MKLN1: variants seen among roughly 807,000 people sequenced by gnomAD.
MKLN1 encodes the protein muskelin 1, also known as muskelin.
A neutral mutation model predicts 99.0 loss-of-function variants in MKLN1; 18 were observed. That is an observed-to-expected ratio of 0.18 (90% CI 0.13 to 0.27). The LOEUF (loss-of-function observed/expected upper bound fraction) is 0.27. MKLN1 is among the 10% of genes least tolerant of loss of function. MKLN1 has a pLI of 1.00. For missense variants in MKLN1, 621 were observed against 875.9 expected, an observed-to-expected ratio of 0.71 and a Z score of 3.67; for synonymous variants, 288 against 293.2, an observed-to-expected ratio of 0.98 and a Z score of 0.18.
intron 1 of MKLN1, among the ~76,000 whole-genome samples, chr7:131,122,909 G>A (rs998025481): frequency 1.3e-5 from 2 of 151,090 alleles, no homozygotes; most frequent in African/African-American, 2.4e-5. Flanking sequence ...TGTAGTCCCA[G>A]CTACTCGGGA....
intron 3 of MKLN1, among the ~76,000 whole-genome samples, chr7:131,265,343 C>A (rs950445415): frequency 4.6e-5 from 7 of 152,188 alleles, no homozygotes; most frequent in African/African-American, 1.4e-4. Flanking sequence ...CCATCCTGTT[C>A]TCTTTTCTTC....
intron 3 of MKLN1, among the ~76,000 whole-genome samples, chr7:131,314,986 GGCCGGACTCAAGCAATCCT>G (rs1236063871): frequency 6.6e-6 from 1 of 151,944 alleles, no homozygotes; most frequent in African/African-American, 2.4e-5. Context: ...ACATTGACCA[GGCCGGACTCAAGCAATCCT>G]CCCACTGTGG....
intron 1 of MKLN1, among the ~76,000 whole-genome samples, chr7:131,370,883 A>C (rs1346625075): frequency 6.6e-6 from 1 of 152,120 alleles, no homozygotes; most frequent in East Asian, 1.9e-4. Context: ...GGCCTCTGTA[A>C]CCTGGTGGGC....
At chr7:131,154,461 T>C (rs561578137) in intron 2 of MKLN1, among the ~76,000 whole-genome samples, 1 of 152,148 alleles carries the variant, frequency 6.6e-6, no homozygotes, top group Non-Finnish European at 1.5e-5. Context: ...GGAATATAGA[T>C]GTAACATGGA....
chr7:131,180,906 T>C lies in MKLN1; in HGVS notation c.-296-21951T>C, dbSNP rs531115046. On this transcript the variant is annotated intron_variant, in intron 2 of 7. Transcript: ENST00000416992. ...AATATTTATTAAAATATACAATACA[T>C]AAATGACTTTCTATGTACAAGAAAC... Among the ~76,000 whole-genome samples, 8 of 152,266 alleles carry C rather than the reference T, an allele frequency of 5.3e-5. 1 individual carries two copies. The highest frequency in any genetic ancestry group is 1.9e-4 in the African/African-American group (8 of 41,546).
chr7:131,266,371 A>G (rs1797809304), intron 3 of MKLN1, among the ~76,000 whole-genome samples: 1 of 152,084 alleles, frequency 6.6e-6, no homozygotes, highest in Admixed American at 6.6e-5. Context: ...AATAATTACT[A>G]TTTTGCAGCC....
At position 131,388,930 on chromosome 7, in the gene MKLN1, A is replaced by G. The variant is rs1268460620; in HGVS notation, c.358A>G (p.Lys120Glu). 1.2e-6 allele frequency: 2 copies of G among 1,610,310 alleles called. No individual in the cohort carries two copies. The highest frequency in any genetic ancestry group is 1.7e-6 in the Non-Finnish European group (2 of 1,177,952). ...YNKETFTLKHKIDEQMFPCRF... is the reference protein window; with the variant it reads ...YNKETFTLKHEIDEQMFPCRF... ...CAAAGAAACATTCACCTTGAAGCAT[A>G]AAATTGATGAACAGATGTTCCCTTG... Residue 120 changes from lysine to glutamate, a missense_variant, in exon 4 of 18, where the codon AAA becomes GAA. By Grantham distance (56) the Lys-to-Glu change is moderately conservative (BLOSUM62 1). Transcript: ENST00000352689.
At chr7:131,262,302 T>G (rs1797744090) in intron 3 of MKLN1, among the ~76,000 whole-genome samples, 1 of 151,742 alleles carries the variant, frequency 6.6e-6, no homozygotes. Context: ...CTGGTCGTGG[T>G]GGCGTGCGAC....
intron 3 of MKLN1, among the ~76,000 whole-genome samples, chr7:131,206,538 ATTATTATTATTATTG>A (rs1218202070): frequency 1.3e-5 from 2 of 148,492 alleles, no homozygotes; most frequent in African/African-American, 4.9e-5. Flanking sequence ...GTGTATAATT[ATTATTATTATTATTG>A]TTATTATTAT....
intron 3 of MKLN1, among the ~76,000 whole-genome samples, chr7:131,203,968 T>C (rs779328830): frequency 6.6e-6 from 1 of 152,176 alleles, no homozygotes; most frequent in Non-Finnish European, 1.5e-5. Flanking sequence ...GATTTAGACA[T>C]GAGAAAACTG....
intron 8 of MKLN1, among the ~76,000 whole-genome samples, chr7:131,421,354 C>G (rs933417807): frequency 3.3e-5 from 5 of 152,118 alleles, no homozygotes; most frequent in Non-Finnish European, 7.4e-5. Context: ...TGATCTTAAT[C>G]ACTTTCAAAG....
intron 3 of MKLN1, among the ~76,000 whole-genome samples, chr7:131,271,210 G>A (rs1157092195): frequency 6.6e-6 from 1 of 152,096 alleles, no homozygotes; most frequent in Non-Finnish European, 1.5e-5. Context: ...GCCTACCTAG[G>A]TCAGGGAAGG....
At chr7:131,143,421 G>A (rs1049450921) in intron 2 of MKLN1, among the ~76,000 whole-genome samples, 7 of 151,962 alleles carry the variant, frequency 4.6e-5, no homozygotes, top group Non-Finnish European at 7.4e-5. Context: ...AGCCAAGATC[G>A]TGCCACTGCA....
chr7:131,299,212 C>T (rs954042774), intron 3 of MKLN1, among the ~76,000 whole-genome samples: 1 of 152,128 alleles, frequency 6.6e-6, no homozygotes, highest in Non-Finnish European at 1.5e-5. Context: ...TCTGTAATTA[C>T]AATAATAATC....
At position 131,188,235 on chromosome 7, in the gene MKLN1, G is replaced by C. The variant is rs1176647438; in HGVS notation, c.-296-14622G>C. 2.6e-5 allele frequency among the ~76,000 whole-genome samples: 4 copies of C among 152,306 alleles called. No homozygotes were observed. The East Asian group carries it at 7.7e-4, about 29-fold the overall frequency. On this transcript the variant is annotated intron_variant, in intron 2 of 7. Transcript: ENST00000416992. ...TTTGGCTCTGAGCTTCCTAGCCATG[G>C]GGGGCGTTGGGGGGAAGAAGATAAT...
chr7:131,232,547 A>G (rs1180607239), intron 3 of MKLN1, among the ~76,000 whole-genome samples: 1 of 152,220 alleles, frequency 6.6e-6, no homozygotes, highest in Admixed American at 6.5e-5. Context: ...TTGGCTTTCC[A>G]TCACCTTCCT....
intron 1 of MKLN1, among the ~76,000 whole-genome samples, chr7:131,132,947 A>AAAAGAAAGAAAGAAAGAAAGAAAG (rs1224385182): frequency 1.8e-4 from 10 of 56,606 alleles, no homozygotes; most frequent in African/African-American, 7.0e-4. Context: ...AAAAAAAAAA[A>AAAAGAAAGAAAGAAAGAAAGAAAG]AAAGAAAGAA....
rs1554374143 is a variant in MKLN1 at position 131,478,616 on chromosome 7, T to TTA, written c.2032-7_2032-6insTA. 3.9e-5 allele frequency: 55 copies of TTA among 1,411,242 alleles called. No individual in the cohort carries two copies. The highest frequency in any genetic ancestry group is 4.7e-5 in the Non-Finnish European group (51 of 1,084,278). 87.4% of individuals were successfully genotyped at this position (1,411,242 alleles called of 1,614,324 possible). On this transcript the variant is annotated splice_region_variant and splice_polypyrimidine_tract_variant and intron_variant, in intron 16 of 17. Coordinates refer to ENST00000352689, the MANE Select transcript of MKLN1 (RefSeq NM_013255.5). ...GCTTCTTTTTTTTTTTTTTTTTTTTTAAACAGTTTCAGCTCCTGGCATCAG... is the reference window on the plus strand; with the variant it reads ...GCTTCTTTTTTTTTTTTTTTTTTTTTTAAAACAGTTTCAGCTCCTGGCATCAG...
intron 3 of MKLN1, among the ~76,000 whole-genome samples, chr7:131,206,541 ATTATTATTATTG>A (rs1796813294): frequency 6.7e-6 from 1 of 148,692 alleles, no homozygotes; most frequent in African/African-American, 2.5e-5. Context: ...TATAATTATT[ATTATTATTATTG>A]TTATTATTAT....
Sources: allele counts gnomAD v4.1 joint callset (sites outside exome capture counted in the v4.1 genomes callset), GRCh38; gene constraint gnomAD v4.1.1; transcripts MANE v1.5; gene names NCBI Gene and HGNC (gene_info 2026-07-23, HGNC 2026-07-21).